LDLRAD4: variants seen among roughly 807,000 people sequenced by gnomAD.
The protein encoded by LDLRAD4 is low-density lipoprotein receptor class A domain-containing protein 4.
LDLRAD4 carries 5 observed loss-of-function variants against 17.0 expected under a neutral mutation model. That is an observed-to-expected ratio of 0.29 (90% CI 0.15 to 0.62). LDLRAD4 has a LOEUF of 0.62. Ranked by LOEUF, LDLRAD4 falls within the 20% of genes least tolerant of loss-of-function variation. The pLI is 0.84. For missense variants in LDLRAD4, 340 were observed against 424.7 expected, an observed-to-expected ratio of 0.80 and a Z score of 1.75; for synonymous variants, 168 against 171.8, an observed-to-expected ratio of 0.98 and a Z score of 0.17.
intron 3 of LDLRAD4, among the ~76,000 whole-genome samples, chr18:13,585,135 C>T (rs1477595879): frequency 6.6e-6 from 1 of 152,184 alleles, no homozygotes; most frequent in Non-Finnish European, 1.5e-5. Flanking sequence ...CAAATGCACT[C>T]GACATGATTT....
intron 3 of LDLRAD4, among the ~76,000 whole-genome samples, chr18:13,599,003 A>G (rs1163139436): frequency 2.0e-5 from 3 of 152,168 alleles, no homozygotes; most frequent in Non-Finnish European, 4.4e-5. Context: ...CATTCCTCGG[A>G]TAGATCTTCT....
rs77402003 is a variant in LDLRAD4, at chr18:13,233,906, C to G, written c.-467+14918C>G. Among the ~76,000 whole-genome samples the G allele has an allele frequency of 0.031, 4,655 of 152,256 alleles. 343 individuals carry two copies. In the East Asian group the frequency reaches 0.32, roughly 11 times the overall value. ...TGCTCCTCCCTGCCCCTCAGCCCCC[C>G]AGCCCTGTCACTCCCTCACTGTCCC... On this transcript the variant is annotated intron_variant, in intron 1 of 5. Coordinates refer to the LDLRAD4 transcript ENST00000399848.
chr18:13,620,979 C>G, intron 3 of LDLRAD4, 138 bp from the exon 5 acceptor site: 43 of 1,215,580 alleles, frequency 3.5e-5, no homozygotes, highest in East Asian at 4.7e-5. Context: ...ACAGTCGTTT[C>G]TGTGTCCTGC....
intron 1 of LDLRAD4, among the ~76,000 whole-genome samples, chr18:13,284,639 G>A (rs1441493793): frequency 6.6e-6 from 1 of 152,158 alleles, no homozygotes; most frequent in Non-Finnish European, 1.5e-5. Flanking sequence ...CTTTTTATGG[G>A]ATTCTCAGCA....
chr18:13,250,195 T>G (rs762607419), intron 1 of LDLRAD4, among the ~76,000 whole-genome samples: 2 of 152,262 alleles, frequency 1.3e-5, no homozygotes, highest in Non-Finnish European at 2.9e-5. Context: ...TTTATGCCAG[T>G]ATCATGCTGT....
intron 1 of LDLRAD4, among the ~76,000 whole-genome samples, chr18:13,303,459 C>T (rs376849593): frequency 4.6e-5 from 7 of 152,102 alleles, no homozygotes; most frequent in African/African-American, 1.2e-4. Flanking sequence ...TCTCTCTCCC[C>T]GTTTCCTTCC....
At chr18:13,413,888 A>G (rs1214732636) in intron 2 of LDLRAD4, among the ~76,000 whole-genome samples, 1 of 152,016 alleles carries the variant, frequency 6.6e-6, no homozygotes, top group East Asian at 1.9e-4. Flanking sequence ...CAACATAGAG[A>G]AACTCCAGAA....
At chr18:13,397,969 C>T (rs771481987) in intron 2 of LDLRAD4, among the ~76,000 whole-genome samples, 3 of 152,204 alleles carry the variant, frequency 2.0e-5, no homozygotes, top group Non-Finnish European at 2.9e-5. Flanking sequence ...CATATGTGGC[C>T]GTGTGTGCTC....
At chr18:13,435,458 T>G (rs112564973) in intron 2 of LDLRAD4, among the ~76,000 whole-genome samples, 3,401 of 152,264 alleles carry the variant, frequency 0.022, 135 homozygotes, top group African/African-American at 0.077. Context: ...TAATTTTTAA[T>G]TTTTTAGAGA....
At chr18:13,516,183 A>G (rs936448812) in intron 3 of LDLRAD4, 2 of 152,226 alleles carry the variant, frequency 1.3e-5, no homozygotes, top group Non-Finnish European at 2.9e-5. Flanking sequence ...TCTTTGGACC[A>G]TATCAAGGTT....
At chr18:13,281,482 C>T (rs547173643) in intron 1 of LDLRAD4, among the ~76,000 whole-genome samples, 3 of 152,206 alleles carry the variant, frequency 2.0e-5, no homozygotes, top group African/African-American at 7.2e-5. Context: ...CCATCTAATG[C>T]TGGGGGCTTC....
intron 1 of LDLRAD4, chr18:13,366,237 T>A (rs926066179): frequency 2.0e-5 from 3 of 152,204 alleles, no homozygotes; most frequent in African/African-American, 7.2e-5. Context: ...CCACACCTTG[T>A]CCGATTATTT....
At chr18:13,638,059 T>C (rs753067997) in intron 4 of LDLRAD4, among the ~76,000 whole-genome samples, 4 of 152,008 alleles carry the variant, frequency 2.6e-5, no homozygotes, top group African/African-American at 9.7e-5. Context: ...TTTTTACAAA[T>C]AAGGGAACTG....
chr18:13,572,724 T>C (rs1230843319), intron 3 of LDLRAD4, among the ~76,000 whole-genome samples: 1 of 152,240 alleles, frequency 6.6e-6, no homozygotes, highest in African/African-American at 2.4e-5. Flanking sequence ...TTCCGAATTC[T>C]AGCAACCAGC....
At chr18:13,607,682 G>C (rs1468939881) in intron 3 of LDLRAD4, among the ~76,000 whole-genome samples, 1 of 152,004 alleles carries the variant, frequency 6.6e-6, no homozygotes, top group Non-Finnish European at 1.5e-5. Flanking sequence ...ACTTATGAGT[G>C]AGAACATGTG....
intron 1 of LDLRAD4, among the ~76,000 whole-genome samples, chr18:13,257,382 C>T (rs1415457634): frequency 6.6e-6 from 1 of 152,186 alleles, no homozygotes; most frequent in East Asian, 1.9e-4. Context: ...CAGTGCCAGT[C>T]CTTTCGTTCT....
intron 3 of LDLRAD4, among the ~76,000 whole-genome samples, chr18:13,455,961 A>C (rs2092109681): frequency 6.6e-6 from 1 of 152,052 alleles, no homozygotes; most frequent in African/African-American, 2.4e-5. Flanking sequence ...TCCATGTAGA[A>C]GTCCTGCCGG....
At chr18:13,352,724 C>T (rs985513584) in intron 1 of LDLRAD4, among the ~76,000 whole-genome samples, 3 of 151,904 alleles carry the variant, frequency 2.0e-5, no homozygotes, top group African/African-American at 7.3e-5. Flanking sequence ...ATACTTGTTC[C>T]CTTGCTTGTG....
rs201593705 is a variant in LDLRAD4 at position 13,347,009 on chromosome 18, TCTTGA to T, written c.-382-40328_-382-40324del. The stretch of plus-strand genomic sequence containing the variant: ...TCCCTGAATACAGCACACTGATGGG[TCTTGA>T]CTTTTTATCCAATTTGCCAGTCTGT... On this transcript the variant is annotated intron_variant, in intron 1 of 5. Coordinates refer to ENST00000359446, the Ensembl canonical transcript of LDLRAD4. Among the ~76,000 whole-genome samples the T allele has an allele frequency of 4.6e-5, 7 of 152,354 alleles. No homozygotes were observed. In the East Asian group the frequency reaches 1.3e-3, roughly 29 times the overall value.
Sources: gnomAD v4.1 joint callset for allele counts (sites outside exome capture counted in the v4.1 genomes callset) on GRCh38, gnomAD v4.1.1 for gene constraint, MANE v1.5 for transcripts, NCBI Gene and HGNC (gene_info 2026-07-23, HGNC 2026-07-21) for gene names.